GRIN2A: variants seen among roughly 807,000 people sequenced by gnomAD.
GRIN2A encodes the protein glutamate receptor ionotropic, NMDA 2A.
GRIN2A carries 22 observed loss-of-function variants against 113.4 expected under a neutral mutation model. That is an observed-to-expected ratio of 0.19 (90% confidence interval 0.14 to 0.28). GRIN2A has a LOEUF of 0.28. GRIN2A is among the 10% of genes least tolerant of loss of function. The pLI is 1.00. For synonymous variants in GRIN2A, 827 were observed against 738.4 expected, an observed-to-expected ratio of 1.12 and a Z score of -1.94; for missense variants, 1,502 against 1,887.0, an observed-to-expected ratio of 0.80 and a Z score of 3.78.
intron 9 of GRIN2A, among the ~76,000 whole-genome samples, chr16:9,823,800 T>C (rs1006750751): frequency 6.6e-6 from 1 of 152,188 alleles, no homozygotes; most frequent in Non-Finnish European, 1.5e-5. Context: ...CGGATGCGTC[T>C]GACCACAGGC....
intron 2 of GRIN2A, among the ~76,000 whole-genome samples, chr16:10,075,994 T>C (rs2047865514): frequency 6.6e-6 from 1 of 152,178 alleles, no homozygotes; most frequent in African/African-American, 2.4e-5. Flanking sequence ...CCACTCCCTT[T>C]TTCAATGCAA....
intron 2 of GRIN2A, among the ~76,000 whole-genome samples, chr16:10,007,833 G>C (rs559803230): frequency 6.6e-6 from 1 of 152,234 alleles, no homozygotes; most frequent in South Asian, 2.1e-4. Flanking sequence ...TTGACTTGGA[G>C]ACACTGACAT....
At chr16:9,913,027 C>A (rs2044176763) in intron 3 of GRIN2A, among the ~76,000 whole-genome samples, 2 of 152,236 alleles carry the variant, frequency 1.3e-5, no homozygotes, top group Admixed American at 6.5e-5. Flanking sequence ...AGTCTTCCTG[C>A]CAGAAGATTC....
At chr16:9,883,479 C>A (rs991286236) in intron 4 of GRIN2A, among the ~76,000 whole-genome samples, 2 of 152,182 alleles carry the variant, frequency 1.3e-5, no homozygotes, top group African/African-American at 4.8e-5. Context: ...AAAGGGCAGA[C>A]CCACTTTGAG....
intron 10 of GRIN2A, among the ~76,000 whole-genome samples, chr16:9,814,398 C>T (rs894139728): frequency 6.6e-6 from 1 of 152,048 alleles, no homozygotes; most frequent in Non-Finnish European, 1.5e-5. Flanking sequence ...ATTAATGGTA[C>T]CCAGATCGTA....
At chr16:10,050,423 G>A (rs2047337961) in intron 2 of GRIN2A, among the ~76,000 whole-genome samples, 1 of 152,088 alleles carries the variant, frequency 6.6e-6, no homozygotes, top group South Asian at 2.1e-4. Context: ...TACCACCTGA[G>A]CTCCACCTCC....
chr16:9,904,186 G>T (rs1476997555), intron 3 of GRIN2A, among the ~76,000 whole-genome samples: 4 of 152,190 alleles, frequency 2.6e-5, no homozygotes, highest in African/African-American at 4.8e-5. Flanking sequence ...CACAGTGTGG[G>T]TGGCTTAACT....
chr16:9,929,422 T>G (rs1449033454), intron 3 of GRIN2A, among the ~76,000 whole-genome samples: 1 of 152,218 alleles, frequency 6.6e-6, no homozygotes, highest in Admixed American at 6.5e-5. Context: ...GGAAAATTAT[T>G]ATTATAGCTC....
At chr16:10,056,164 G>A (rs1219952782) in intron 2 of GRIN2A, among the ~76,000 whole-genome samples, 1 of 152,138 alleles carries the variant, frequency 6.6e-6, no homozygotes, top group African/African-American at 2.4e-5. Context: ...TAATAACAGA[G>A]AAGATAAATA....
chr16:9,948,607 C>T lies in GRIN2A; in HGVS notation c.415-10056G>A, dbSNP rs979677629. 2.6e-5 allele frequency among the ~76,000 whole-genome samples: 4 copies of T among 152,312 alleles called. No homozygotes were observed. In the East Asian group the frequency reaches 5.8e-4, roughly 22 times the overall value. ...CATTCTCACCACCGTGTGTTTCCTT[C>T]AGGTATATCACAGGTATGTCATGCC... On this transcript the variant is annotated intron_variant, in intron 2 of 12. Coordinates refer to ENST00000330684, the MANE Select transcript of GRIN2A (RefSeq NM_001134407.3).
intron 3 of GRIN2A, among the ~76,000 whole-genome samples, chr16:9,905,524 T>A (rs777131056): frequency 1.3e-5 from 2 of 152,230 alleles, no homozygotes; most frequent in Non-Finnish European, 2.9e-5. Flanking sequence ...ACCGATCTAC[T>A]GGCTGCTCAT....
intron 2 of GRIN2A, among the ~76,000 whole-genome samples, chr16:10,086,605 C>CAA (rs3033377): frequency 1.3e-3 from 134 of 99,544 alleles, no homozygotes; most frequent in Non-Finnish European, 2.0e-3. Context: ...GGAGCAGCTC[C>CAA]AAAAAAAAAA....
intron 3 of GRIN2A, among the ~76,000 whole-genome samples, chr16:9,932,147 A>G (rs1567183012): frequency 2.0e-5 from 3 of 152,156 alleles, no homozygotes; most frequent in South Asian, 4.1e-4. Context: ...GGCCTCTACT[A>G]TGGAATATTC....
chr16:10,150,593 C>T (rs1194476684), intron 2 of GRIN2A, among the ~76,000 whole-genome samples: 2 of 152,156 alleles, frequency 1.3e-5, no homozygotes, highest in Non-Finnish European at 2.9e-5. Flanking sequence ...AGTCTTCTTA[C>T]TATTCCCCAG....
rs186169480 is a variant in GRIN2A at position 10,024,464 on chromosome 16, C to T, written c.415-85913G>A. Reference sequence around the variant, plus strand: ...CAAACTCCCAACCTCATGATCCACCCGTCTTGGCCTCCCAAAGTGCTGGAA... The same window carrying T: ...CAAACTCCCAACCTCATGATCCACCTGTCTTGGCCTCCCAAAGTGCTGGAA... On this transcript the variant is annotated intron_variant, in intron 2 of 12. Transcript: ENST00000330684. Among the ~76,000 whole-genome samples the T allele has an allele frequency of 2.0e-3, 312 of 152,318 alleles. 1 individual carries two copies. Among genetic ancestry groups the T allele is most frequent in the African/African-American group, 7.2e-3 (298 of 41,572 alleles).
chr16:10,049,139 G>A (rs1429988019), intron 2 of GRIN2A, among the ~76,000 whole-genome samples: 1 of 152,102 alleles, frequency 6.6e-6, no homozygotes, highest in East Asian at 1.9e-4. Context: ...GTTCCGCTTG[G>A]CAAAAGCCCA....
intron 2 of GRIN2A, among the ~76,000 whole-genome samples, chr16:9,993,931 GGTCTTCTGTTGCACCATCAT>G (rs1567222887): frequency 6.6e-6 from 1 of 152,132 alleles, no homozygotes. Flanking sequence ...GTAATCCTCT[GGTCTTCTGTTGCACCATCAT>G]GTCTTCTTAC....
At chr16:10,124,346 T>A (rs535177855) in intron 2 of GRIN2A, among the ~76,000 whole-genome samples, 3 of 152,182 alleles carry the variant, frequency 2.0e-5, no homozygotes, top group Non-Finnish European at 4.4e-5. Flanking sequence ...GGATCATGTA[T>A]GCAAAGTGCC....
At chr16:9,805,867 C>G (rs2041956674) in intron 10 of GRIN2A, among the ~76,000 whole-genome samples, 1 of 152,136 alleles carries the variant, frequency 6.6e-6, no homozygotes, top group Non-Finnish European at 1.5e-5. Context: ...TGAGGCATGA[C>G]AAGCTTTGAA....
Sources: allele counts gnomAD v4.1 joint callset (sites outside exome capture counted in the v4.1 genomes callset), GRCh38; gene constraint gnomAD v4.1.1; transcripts MANE v1.5; gene names NCBI Gene and HGNC (gene_info 2026-07-23, HGNC 2026-07-21).